Variants in VPS37A observed in about 807,000 individuals in gnomAD.
VPS37A encodes VPS37A subunit of ESCRT-I, also known as vacuolar protein sorting-associated protein 37A.
A neutral mutation model predicts 49.8 loss-of-function variants in VPS37A; 30 were observed. The observed-to-expected ratio is 0.60, with a 90% CI of 0.45 to 0.82. The LOEUF (loss-of-function observed/expected upper bound fraction) is 0.82. Ranked by LOEUF, VPS37A falls within the 40% of genes least tolerant of loss-of-function variation. VPS37A has a pLI of 0.00. For missense variants in VPS37A, 593 were observed against 464.4 expected, an observed-to-expected ratio of 1.28 and a Z score of -2.55; for synonymous variants, 195 against 160.6, an observed-to-expected ratio of 1.21 and a Z score of -1.62.
chr8:17,291,407 C>G (rs1434903281), intron 11 of VPS37A, among the ~76,000 whole-genome samples: 1 of 149,296 alleles, frequency 6.7e-6, no homozygotes, highest in East Asian at 2.0e-4. Context: ...TTAATCTTTT[C>G]AAAACAGCTG....
chr8:17,277,861 TACAC>T (rs67718316), intron 6 of VPS37A, among the ~76,000 whole-genome samples: 13,338 of 140,864 alleles, frequency 0.095, 635 homozygotes, highest in African/African-American at 0.13. Context: ...TTCTCTTTTA[TACAC>T]ACACACACAC....
At chr8:17,329,039 A>T in the VPS37A span, among the ~76,000 whole-genome samples, 9 of 152,248 alleles carry the variant, frequency 5.9e-5, no homozygotes, top group Admixed American at 3.3e-4. Context: ...ACCAGAACGC[A>T]AACAATTTTA....
chr8:17,332,986 A>T, the VPS37A span, among the ~76,000 whole-genome samples: 7 of 152,196 alleles, frequency 4.6e-5, no homozygotes, highest in Admixed American at 2.0e-4. Context: ...TACCGAGAGC[A>T]TATATGAAGT....
chr8:17,266,820 C>G (rs890341828), intron 2 of VPS37A, among the ~76,000 whole-genome samples: 5 of 152,174 alleles, frequency 3.3e-5, no homozygotes, highest in African/African-American at 1.2e-4. Flanking sequence ...GTCGCCCAGA[C>G]TGGAGTGCAG....
At chr8:17,315,999 G>C in the VPS37A span, among the ~76,000 whole-genome samples, 6 of 152,202 alleles carry the variant, frequency 3.9e-5, no homozygotes, top group Non-Finnish European at 7.3e-5. Flanking sequence ...GGTGATGACA[G>C]AGCCAGATCC....
chr8:17,253,583 G>A (rs1052187551), intron 1 of VPS37A, among the ~76,000 whole-genome samples: 3 of 152,156 alleles, frequency 2.0e-5, no homozygotes, highest in African/African-American at 7.2e-5. Flanking sequence ...TTTTCTGATA[G>A]GGCTTCTCCA....
intron 6 of VPS37A, among the ~76,000 whole-genome samples, chr8:17,278,511 C>T (rs935841952): frequency 6.6e-6 from 1 of 152,032 alleles, no homozygotes; most frequent in Non-Finnish European, 1.5e-5. Context: ...AAAAGTTGCT[C>T]TGATGGGTGA....
intron 1 of VPS37A, among the ~76,000 whole-genome samples, chr8:17,253,492 C>G (rs927756863): frequency 6.6e-6 from 1 of 152,188 alleles, no homozygotes. Flanking sequence ...GGAAAGATAT[C>G]AACAAACAGA....
At chr8:17,323,277 A>G in the VPS37A span, among the ~76,000 whole-genome samples, 2,728 of 152,154 alleles carry the variant, frequency 0.018, 30 homozygotes, top group African/African-American at 0.028. Flanking sequence ...TTAAGGAGTA[A>G]TGGGCTCAGA....
At chr8:17,277,966 A>G (rs1462609797) in intron 6 of VPS37A, among the ~76,000 whole-genome samples, 1 of 152,078 alleles carries the variant, frequency 6.6e-6, no homozygotes, top group African/African-American at 2.4e-5. Context: ...GAATAAATAC[A>G]TGTCCATGTA....
At chr8:17,280,006 A>AT (rs1418772910) in intron 6 of VPS37A, 22 bp from the exon 7 acceptor site, 4 of 1,607,820 alleles carry the variant, frequency 2.5e-6, no homozygotes, top group Non-Finnish European at 3.4e-6. Flanking sequence ...ATTTATTGAC[A>AT]TTTTTTCTTT....
At chr8:17,257,637 TG>T (rs1295784266) in intron 1 of VPS37A, among the ~76,000 whole-genome samples, 3 of 152,210 alleles carry the variant, frequency 2.0e-5, no homozygotes, top group Non-Finnish European at 4.4e-5. Flanking sequence ...AAGTATAATT[TG>T]TAAAAAAATT....
intron 1 of VPS37A, among the ~76,000 whole-genome samples, chr8:17,255,411 G>A (rs1293453477): frequency 3.3e-5 from 5 of 152,296 alleles, no homozygotes; most frequent in African/African-American, 7.2e-5. Context: ...AACCTGGGAG[G>A]CAGAGGTTGC....
the VPS37A span, among the ~76,000 whole-genome samples, chr8:17,329,173 T>C: frequency 2.0e-5 from 3 of 151,818 alleles, no homozygotes; most frequent in African/African-American, 7.3e-5. Flanking sequence ...ACCAGTAGTA[T>C]GAGCCTTCAT....
chr8:17,301,056 C>A (rs1016072387), downstream of VPS37A, among the ~76,000 whole-genome samples: 3 of 152,142 alleles, frequency 2.0e-5, no homozygotes, highest in South Asian at 6.2e-4. Flanking sequence ...GAATACATTT[C>A]GCCAGATTTC....
intron 4 of VPS37A, among the ~76,000 whole-genome samples, chr8:17,274,221 ATC>A (rs1814283576): frequency 6.6e-6 from 1 of 152,246 alleles, no homozygotes; most frequent in Non-Finnish European, 1.5e-5. Context: ...TTATATATGC[ATC>A]TGTTTTTAAT....
chr8:17,313,378 T>C, the VPS37A span: 2 of 1,611,970 alleles, frequency 1.2e-6, no homozygotes, highest in Admixed American at 1.7e-5. Context: ...AAATCACTCA[T>C]GGAGGGAGAT....
At chr8:17,302,468 C>T, downstream of VPS37A, 1 of 535,390 alleles carries the variant, frequency 1.9e-6, no homozygotes, top group Non-Finnish European at 3.2e-6. Flanking sequence ...TCAGTAAATG[C>T]CTTTTGGGGA....
chr8:17,323,229 G>A, the VPS37A span, among the ~76,000 whole-genome samples: 3 of 152,000 alleles, frequency 2.0e-5, no homozygotes, highest in South Asian at 2.1e-4. Flanking sequence ...TTACAGGTAT[G>A]AGCCACCACA....
Sources: gnomAD v4.1 joint callset for allele counts (sites outside exome capture counted in the v4.1 genomes callset) on GRCh38, gnomAD v4.1.1 for gene constraint, MANE v1.5 for transcripts, NCBI Gene and HGNC (gene_info 2026-07-23, HGNC 2026-07-21) for gene names.